N4BP1: variants seen among roughly 807,000 people sequenced by gnomAD.
N4BP1 encodes the protein NEDD4 binding protein 1, also known as NEDD4-binding protein 1.
A neutral mutation model predicts 70.9 loss-of-function variants in N4BP1; 21 were observed. The observed-to-expected ratio is 0.30, with a 90% CI of 0.21 to 0.43. N4BP1 has a LOEUF of 0.43. Ranked by LOEUF, N4BP1 falls within the 20% of genes least tolerant of loss-of-function variation. N4BP1 has a pLI of 1.00. For synonymous variants in N4BP1, 387 were observed against 394.6 expected, an observed-to-expected ratio of 0.98 and a Z score of 0.23; for missense variants, 936 against 1,069.4, an observed-to-expected ratio of 0.88 and a Z score of 1.74.
rs546563111 is a variant in N4BP1, at chr16:48,588,156, C to T, written c.198+21619G>A. Among the ~76,000 whole-genome samples the T allele has an allele frequency of 1.0e-3, 156 of 152,134 alleles. 1 individual carries two copies. The highest frequency in any genetic ancestry group is 2.3e-3 in the South Asian group (11 of 4,824). ...TCTTACCATCACCCAAATACAAAGA[C>T]GCTACTGTGTGGGTGTGATATCAAG... On this transcript the variant is annotated intron_variant, in intron 1 of 6. Coordinates refer to ENST00000262384, the MANE Select transcript of N4BP1 (RefSeq NM_153029.4).
chr16:48,555,528 CT>C (rs1359343426), intron 2 of N4BP1, among the ~76,000 whole-genome samples: 1 of 152,200 alleles, frequency 6.6e-6, no homozygotes, highest in Non-Finnish European at 1.5e-5. Context: ...TTCAGAGGCT[CT>C]TACCCCAGAA....
rs1308039812 is a variant in N4BP1 at position 48,610,081 on chromosome 16, G to A, written c.-109C>T. On this transcript the variant is annotated 5_prime_UTR_variant, in exon 1 of 7. Coordinates refer to ENST00000262384, the MANE Select transcript of N4BP1 (RefSeq NM_153029.4). ...CAGGCGGCGTCGGCCCTTCCCGGCCGCCTCGCCCCCGCCCGCGCCCCGCCG... is the reference window on the plus strand; with the variant it reads ...CAGGCGGCGTCGGCCCTTCCCGGCCACCTCGCCCCCGCCCGCGCCCCGCCG... 2.0e-5 allele frequency: 11 copies of A among 550,504 alleles called. No homozygotes were observed. The highest frequency in any genetic ancestry group is 9.0e-4 in the Middle Eastern group (1 of 1,114). 34.1% of individuals were successfully genotyped at this position (550,504 alleles called of 1,614,324 possible). A position where few individuals can be genotyped will look rare whatever the true frequency, so the allele number is the denominator to read the frequency against.
chr16:48,570,026 G>A (rs1471647204), intron 1 of N4BP1, among the ~76,000 whole-genome samples: 1 of 152,100 alleles, frequency 6.6e-6, no homozygotes. Flanking sequence ...GACACACAGA[G>A]AGAAAAATCA....
chr16:48,545,375 G>A (rs1218913290), intron 6 of N4BP1, among the ~76,000 whole-genome samples: 5 of 150,690 alleles, frequency 3.3e-5, no homozygotes, highest in African/African-American at 4.9e-5. Flanking sequence ...TTCGAGACCA[G>A]CCTGGCTAAC....
intron 1 of N4BP1, among the ~76,000 whole-genome samples, chr16:48,608,640 T>C (rs1037286410): frequency 1.3e-5 from 2 of 151,894 alleles, no homozygotes; most frequent in African/African-American, 4.8e-5. Context: ...CATACTGTGT[T>C]GCTTTTTGGT....
intron 1 of N4BP1, among the ~76,000 whole-genome samples, chr16:48,593,852 A>G (rs113619536): frequency 6.6e-6 from 1 of 152,056 alleles, no homozygotes; most frequent in Non-Finnish European, 1.5e-5. Context: ...TCTACTAAAA[A>G]TTAGCCGGGT....
intron 6 of N4BP1, 180 bp downstream of exon 6, chr16:48,545,967 G>C (rs891746389): frequency 3.2e-5 from 15 of 465,570 alleles, no homozygotes; most frequent in Non-Finnish European, 4.5e-5. Context: ...GGCAAAGGTT[G>C]CAGTGAGCCG....
rs1311134283 is a variant in N4BP1, at chr16:48,542,094, CCT to C, written c.*808_*809del. On this transcript the variant is annotated 3_prime_UTR_variant, in exon 7 of 7. Transcript: ENST00000262384. ...GAGCCAGGCCAGGCATGTGGAGGCC[CCT>C]GACTGTGGGCGTGTCAAGCCCTGGC... 2.6e-5 allele frequency: 4 copies of C among 152,602 alleles called. No individual in the cohort carries two copies. Among genetic ancestry groups the C allele is most frequent in the South Asian group, 2.1e-4 (1 of 4,830 alleles). The allele number at this position is 152,602 out of a possible 1,614,324, so 9.5% of individuals were successfully genotyped here.
At chr16:48,560,566 C>T in intron 2 of N4BP1, 188 bp downstream of exon 2, 1 of 630,318 alleles carries the variant, frequency 1.6e-6, no homozygotes, top group Non-Finnish European at 2.6e-6. Context: ...AAGTAAAGTT[C>T]ATGAATCCAG....
At chr16:48,599,078 A>G (rs2151101700) in intron 1 of N4BP1, among the ~76,000 whole-genome samples, 1 of 152,286 alleles carries the variant, frequency 6.6e-6, no homozygotes, top group East Asian at 1.9e-4. Context: ...TAAAGTTAGG[A>G]AAGTAAGGTT....
intron 4 of N4BP1, among the ~76,000 whole-genome samples, chr16:48,550,198 G>C (rs1024480743): frequency 6.6e-6 from 1 of 152,128 alleles, no homozygotes; most frequent in African/African-American, 2.4e-5. Flanking sequence ...TTTGGTTAGT[G>C]CTCAATAAAG....
At position 48,539,177 on chromosome 16, in the gene N4BP1, C is replaced by T. The variant is rs930458824; in HGVS notation, c.*3727G>A. ...TGAACTTTGTGGTCTGGTCAAACAG[C>T]CACTGCAGATCACTTCGCAGGAGGA... On this transcript the variant is annotated 3_prime_UTR_variant, in exon 7 of 7. Coordinates refer to ENST00000262384, the MANE Select transcript of N4BP1 (RefSeq NM_153029.4). 2 of 152,420 alleles carry T rather than the reference C, an allele frequency of 1.3e-5. No homozygotes were observed. The highest frequency in any genetic ancestry group is 6.5e-5 in the Admixed American group (1 of 15,302). 9.4% of individuals were successfully genotyped at this position (152,420 alleles called of 1,614,324 possible).
chr16:48,571,426 T>C (rs747223906), intron 1 of N4BP1, among the ~76,000 whole-genome samples: 6 of 152,166 alleles, frequency 3.9e-5, no homozygotes, highest in Non-Finnish European at 8.8e-5. Context: ...TCAGATTTAG[T>C]GTCAAACATC....
rs1400846730 is a variant in N4BP1, at chr16:48,609,976, G to T, written c.-4C>A. The T allele has an allele frequency of 9.6e-5, 116 of 1,211,726 alleles. No homozygotes were observed. Among genetic ancestry groups the T allele is most frequent in the Non-Finnish European group, 1.1e-4 (111 of 974,560 alleles). The allele number at this position is 1,211,726 out of a possible 1,614,324, so 75.1% of individuals were successfully genotyped here. A position where few individuals can be genotyped will look rare whatever the true frequency, so the allele number is the denominator to read the frequency against. ...CCAGCACCGCCCGGGCCGCCATGGCGGGCGCGGCCTCCCGCGGCGGCGCCG... is the reference window on the plus strand; with the variant it reads ...CCAGCACCGCCCGGGCCGCCATGGCTGGCGCGGCCTCCCGCGGCGGCGCCG... On this transcript the variant is annotated 5_prime_UTR_variant, in exon 1 of 7. Transcript: ENST00000262384.
At chr16:48,568,032 T>C (rs1433343851) in intron 1 of N4BP1, among the ~76,000 whole-genome samples, 1 of 152,120 alleles carries the variant, frequency 6.6e-6, no homozygotes, top group East Asian at 1.9e-4. Context: ...ATTCAAACTA[T>C]CTAATCCTAA....
At chr16:48,552,699 G>GGAAAAAAA (rs1963690192) in intron 3 of N4BP1, among the ~76,000 whole-genome samples, 1 of 18,486 alleles carries the variant, frequency 5.4e-5, no homozygotes, top group African/African-American at 1.3e-4. Flanking sequence ...CTCCGTCTCA[G>GGAAAAAAA]AAAAAAAAAA....
At chr16:48,545,715 C>T (rs1597089517) in intron 6 of N4BP1, among the ~76,000 whole-genome samples, 2 of 149,848 alleles carry the variant, frequency 1.3e-5, no homozygotes. Flanking sequence ...GAAACCAGCA[C>T]TAAATTTAAG....
At chr16:48,553,512 A>G (rs1963705405) in intron 3 of N4BP1, 27 bp downstream of exon 3, 15 of 1,521,818 alleles carry the variant, frequency 9.9e-6, no homozygotes, top group Non-Finnish European at 1.3e-5. Flanking sequence ...ATTTCACTAG[A>G]AATCTGAAAA....
chr16:48,577,809 G>A (rs1223699163), intron 1 of N4BP1: 2 of 158,252 alleles, frequency 1.3e-5, no homozygotes, highest in South Asian at 1.7e-4. Context: ...CAGTGCCCCT[G>A]GGCGCAGGGA....
Sources: gnomAD v4.1 joint callset for allele counts (sites outside exome capture counted in the v4.1 genomes callset) on GRCh38, gnomAD v4.1.1 for gene constraint, MANE v1.5 for transcripts, NCBI Gene and HGNC (gene_info 2026-07-23, HGNC 2026-07-21) for gene names.